The following BCAR3 variants were observed in gnomAD, a reference collection of about 807,000 sequenced individuals.
BCAR3 encodes the protein breast cancer anti-estrogen resistance protein 3.
In BCAR3, 37 loss-of-function variants were observed where a neutral mutation model predicts 80.1. That is an observed-to-expected ratio of 0.46 (90% CI 0.36 to 0.61). The LOEUF is 0.61. BCAR3 is among the 20% of genes least tolerant of loss of function. BCAR3 has a pLI of 0.00. For missense variants in BCAR3, 978 were observed against 1,068.2 expected, an observed-to-expected ratio of 0.92 and a Z score of 1.18; for synonymous variants, 389 against 418.9, an observed-to-expected ratio of 0.93 and a Z score of 0.87.
intron 1 of BCAR3, among the ~76,000 whole-genome samples, chr1:93,678,033 A>AT (rs1395043302): frequency 1.3e-5 from 2 of 152,224 alleles, no homozygotes; most frequent in Non-Finnish European, 2.9e-5. Context: ...CAAAGCAAGG[A>AT]ATGAGTTCTA....
At chr1:93,600,253 C>G (rs899695584) in intron 3 of BCAR3, among the ~76,000 whole-genome samples, 1 of 152,232 alleles carries the variant, frequency 6.6e-6, no homozygotes, top group Non-Finnish European at 1.5e-5. Context: ...TTTCCTGTTG[C>G]CCCAGGGAGC....
chr1:93,810,756 T>A (rs1231017571), intron 2 of BCAR3, among the ~76,000 whole-genome samples: 3 of 152,164 alleles, frequency 2.0e-5, no homozygotes, highest in African/African-American at 7.2e-5. Context: ...ATCAACTCAT[T>A]TCTGACTAGT....
intron 2 of BCAR3, among the ~76,000 whole-genome samples, chr1:93,818,237 T>C (rs986655142): frequency 6.6e-6 from 1 of 152,322 alleles, no homozygotes; most frequent in South Asian, 2.1e-4. Flanking sequence ...TTCAGAAATA[T>C]CTGTTGGTTT....
At chr1:93,574,236 C>T (rs904958793) in intron 8 of BCAR3, among the ~76,000 whole-genome samples, 1 of 152,172 alleles carries the variant, frequency 6.6e-6, no homozygotes, top group African/African-American at 2.4e-5. Flanking sequence ...CAAGAGGAGG[C>T]ACTCAGATGT....
chr1:93,757,276 T>C (rs1181226964), intron 2 of BCAR3, among the ~76,000 whole-genome samples: 1 of 152,202 alleles, frequency 6.6e-6, no homozygotes, highest in Non-Finnish European at 1.5e-5. Flanking sequence ...GCCTACCTGA[T>C]GACCTCTCTC....
At chr1:93,689,559 G>A (rs1423880197) in intron 3 of BCAR3, among the ~76,000 whole-genome samples, 1 of 150,402 alleles carries the variant, frequency 6.6e-6, no homozygotes, top group East Asian at 1.9e-4. Flanking sequence ...GCTGGGGACA[G>A]ACTGTTGATG....
At chr1:93,770,965 C>G (rs1339369620) in intron 2 of BCAR3, among the ~76,000 whole-genome samples, 2 of 152,168 alleles carry the variant, frequency 1.3e-5, no homozygotes, top group East Asian at 3.9e-4. Context: ...TGAGGTTACA[C>G]AGAAAATAGT....
chr1:93,604,537 A>T (rs1264209865), intron 3 of BCAR3, among the ~76,000 whole-genome samples: 2 of 152,268 alleles, frequency 1.3e-5, no homozygotes, highest in Admixed American at 1.3e-4. Flanking sequence ...AGCAGGCAGC[A>T]GTAACTTAAT....
chr1:93,674,774 G>A lies in BCAR3; in HGVS notation c.157C>T (p.Arg53Trp), dbSNP rs746465101. ...QDVSIHGTLP[R>W]KKKGPPPIRS... Reference sequence around the variant, plus strand: ...ATGGGAGGAGGACCTTTTTTCTTCCGTGGAAGGGTGCCATGTATAGACACA... The same window carrying A: ...ATGGGAGGAGGACCTTTTTTCTTCCATGGAAGGGTGCCATGTATAGACACA... The change falls in exon 2 of 12, where the codon CGG becomes TGG. Residue 53 changes from arginine to tryptophan, a missense_variant. Arg to Trp is a moderately radical substitution (Grantham distance 101). Coordinates refer to ENST00000260502, the MANE Select transcript of BCAR3 (RefSeq NM_003567.4). 1.2e-5 allele frequency: 19 copies of A among 1,612,456 alleles called. No homozygotes were observed. Among genetic ancestry groups the A allele is most frequent in the South Asian group, 5.5e-5 (5 of 90,718 alleles).
chr1:93,587,351 A>G (rs567606134), intron 5 of BCAR3, among the ~76,000 whole-genome samples: 21 of 152,284 alleles, frequency 1.4e-4, no homozygotes, highest in African/African-American at 4.8e-4. Context: ...ACTCTCCTCC[A>G]GATAATAATT....
At chr1:93,774,818 C>A (rs1320993853) in intron 2 of BCAR3, among the ~76,000 whole-genome samples, 2 of 152,234 alleles carry the variant, frequency 1.3e-5, no homozygotes, top group African/African-American at 4.8e-5. Flanking sequence ...ATGTATTTGT[C>A]TGTGGCCAGG....
intron 2 of BCAR3, chr1:93,754,289 G>A (rs1202887244): frequency 6.6e-6 from 1 of 152,198 alleles, no homozygotes; most frequent in Non-Finnish European, 1.5e-5. Context: ...TAGCTTTGGT[G>A]TTGTCAACAC....
At chr1:93,835,445 C>G (rs1654730644) in intron 2 of BCAR3, among the ~76,000 whole-genome samples, 2 of 152,176 alleles carry the variant, frequency 1.3e-5, no homozygotes, top group Non-Finnish European at 2.9e-5. Flanking sequence ...TCACTCCCAC[C>G]TACTCTCCCA....
intron 2 of BCAR3, among the ~76,000 whole-genome samples, chr1:93,652,636 G>A (rs1676358745): frequency 6.8e-6 from 1 of 146,126 alleles, no homozygotes; most frequent in Admixed American, 6.9e-5. Context: ...AAATGAAAAG[G>A]TTTTTTTTTT....
At chr1:93,650,372 A>C (rs236297) in intron 2 of BCAR3, among the ~76,000 whole-genome samples, 1,964 of 152,310 alleles carry the variant, frequency 0.013, 40 homozygotes, top group African/African-American at 0.044. Context: ...GCAACAGAGC[A>C]AGACTCTGTC....
chr1:93,677,044 C>A (rs1187077985), intron 1 of BCAR3, among the ~76,000 whole-genome samples: 1 of 152,178 alleles, frequency 6.6e-6, no homozygotes, highest in Admixed American at 6.5e-5. Flanking sequence ...ACCTTCAATT[C>A]AACAAACATT....
In BCAR3 at chr1:93,727,643, A is replaced by G. The variant is rs1650639548; in HGVS notation, c.-62-21501T>C. ...CCATCAACTCTAAAAAATTACCATT[A>G]CAGAAGTTATACATGCCTTCTGTAC... On this transcript the variant is annotated intron_variant, in intron 2 of 13. Coordinates refer to the BCAR3 transcript ENST00000370244. Among the ~76,000 whole-genome samples, 3 of 152,218 alleles carry G rather than the reference A, an allele frequency of 2.0e-5. No homozygotes were observed. The South Asian group carries it at 6.2e-4, about 32-fold the overall frequency.
At chr1:93,747,581 CATT>C (rs1651403166) in intron 2 of BCAR3, among the ~76,000 whole-genome samples, 1 of 151,654 alleles carries the variant, frequency 6.6e-6, no homozygotes, top group Non-Finnish European at 1.5e-5. Context: ...TTTAGGGTCT[CATT>C]AGTGCTCACC....
intron 3 of BCAR3, among the ~76,000 whole-genome samples, chr1:93,637,928 C>T (rs1675844191): frequency 6.6e-6 from 1 of 152,108 alleles, no homozygotes; most frequent in South Asian, 2.1e-4. Context: ...GAGCAGGTGG[C>T]AAATCCAGGG....
Sources: gnomAD v4.1 joint callset for allele counts (sites outside exome capture counted in the v4.1 genomes callset) on GRCh38, gnomAD v4.1.1 for gene constraint, MANE v1.5 for transcripts, NCBI Gene and HGNC (gene_info 2026-07-23, HGNC 2026-07-21) for gene names.